STAT4: variants seen among roughly 807,000 people sequenced by gnomAD.
STAT4 encodes signal transducer and activator of transcription 4.
In STAT4, 42 loss-of-function variants were observed where a neutral mutation model predicts 110.5. The observed-to-expected ratio is 0.38, with a 90% CI of 0.30 to 0.49. The LOEUF is 0.49. Among genes scored for constraint, STAT4 ranks in the 20% least tolerant of loss-of-function variants. The pLI is 0.95. For missense variants in STAT4, 632 were observed against 887.9 expected, an observed-to-expected ratio of 0.71 and a Z score of 3.66; for synonymous variants, 284 against 302.2, an observed-to-expected ratio of 0.94 and a Z score of 0.63.
At chr2:191,056,817 C>T (rs1287574165) in intron 13 of STAT4, among the ~76,000 whole-genome samples, 3 of 125,618 alleles carry the variant, frequency 2.4e-5, no homozygotes, top group Non-Finnish European at 4.7e-5. Flanking sequence ...GAGTCTTGCT[C>T]TGTCACACAG....
At chr2:191,094,738 C>T (rs1697912965) in intron 3 of STAT4, among the ~76,000 whole-genome samples, 1 of 152,032 alleles carries the variant, frequency 6.6e-6, no homozygotes, top group Admixed American at 6.5e-5. Flanking sequence ...TCACACATAA[C>T]AACATTAACC....
chr2:191,071,984 C>T (rs996122016), intron 5 of STAT4, among the ~76,000 whole-genome samples: 1 of 152,118 alleles, frequency 6.6e-6, no homozygotes, highest in Non-Finnish European at 1.5e-5. Context: ...GGCCTCTCTC[C>T]CCACAACCCC....
chr2:191,056,701 C>T (rs1482929702), intron 13 of STAT4, among the ~76,000 whole-genome samples: 1 of 150,990 alleles, frequency 6.6e-6, no homozygotes, highest in Non-Finnish European at 1.5e-5. Flanking sequence ...CCTATCTTTT[C>T]TTTGTGGTAG....
At chr2:191,054,642 G>A in intron 13 of STAT4, 108 bp from the exon 14 acceptor site, 1 of 888,412 alleles carries the variant, frequency 1.1e-6, no homozygotes. Flanking sequence ...TTGACTTCTA[G>A]AACAGCAACA....
Position 191,051,744 on chromosome 2 carries a change from G to C in STAT4, c.1251+2746C>G, listed in dbSNP as rs1696529509. On this transcript the variant is annotated intron_variant, in intron 14 of 23. Coordinates refer to ENST00000392320, the MANE Select transcript of STAT4 (RefSeq NM_003151.4). This position sits in a 1 kb window ranked among gnomAD's most constrained non-coding sequence, Gnocchi z 5.6. ...TCGCCTCTCCCAGGGAAGGTTCTGCGACCCAGAGGCAGCATAGCAGAGGGG... is the reference window on the plus strand; with the variant it reads ...TCGCCTCTCCCAGGGAAGGTTCTGCCACCCAGAGGCAGCATAGCAGAGGGG... Among the ~76,000 whole-genome samples the C allele has an allele frequency of 6.6e-6, 1 of 152,188 alleles. No individual in the cohort carries two copies. The highest frequency in any genetic ancestry group is 2.1e-4 in the South Asian group (1 of 4,828).
At chr2:191,084,354 C>G (rs1697576207) in intron 3 of STAT4, among the ~76,000 whole-genome samples, 1 of 151,994 alleles carries the variant, frequency 6.6e-6, no homozygotes, top group South Asian at 2.1e-4. Flanking sequence ...TATGATGAAG[C>G]CTAGTTCTAG....
At chr2:191,123,704 C>A (rs1698799659) in intron 3 of STAT4, among the ~76,000 whole-genome samples, 1 of 152,222 alleles carries the variant, frequency 6.6e-6, no homozygotes, top group Non-Finnish European at 1.5e-5. Flanking sequence ...TGTTGAATAT[C>A]TCACATAATG....
intron 3 of STAT4, among the ~76,000 whole-genome samples, chr2:191,093,830 C>T (rs917525273): frequency 1.1e-4 from 16 of 152,064 alleles, no homozygotes; most frequent in South Asian, 1.0e-3. Flanking sequence ...CGTGAGGAAG[C>T]TAAAAACCTT....
At chr2:191,123,021 T>C (rs1698781303) in intron 3 of STAT4, among the ~76,000 whole-genome samples, 1 of 152,248 alleles carries the variant, frequency 6.6e-6, no homozygotes, top group African/African-American at 2.4e-5. Context: ...ACAAAAGTGA[T>C]GCACTTTGCT....
chr2:191,041,035 G>T, intron 15 of STAT4, 30 bp downstream of exon 15: 1 of 1,356,042 alleles, frequency 7.4e-7, no homozygotes, highest in Non-Finnish European at 9.6e-7. Context: ...AATGCCATTA[G>T]TAAATAGTGT....
At chr2:191,127,911 G>T (rs543028922) in intron 3 of STAT4, among the ~76,000 whole-genome samples, 30 of 152,294 alleles carry the variant, frequency 2.0e-4, no homozygotes, top group Admixed American at 3.3e-4. Flanking sequence ...GGCTTGGAGG[G>T]ATATGCACAA....
In STAT4 at chr2:191,086,511, A is replaced by G. The variant is rs1188677977; in HGVS notation, c.274-10186T>C. Reference sequence around the variant, plus strand: ...TTTTATACAAATAATCAGACCAAGTATAATTAAACTAAAACTTACTGTGCA... The same window carrying G: ...TTTTATACAAATAATCAGACCAAGTGTAATTAAACTAAAACTTACTGTGCA... On this transcript the variant is annotated intron_variant, in intron 3 of 23. Transcript: ENST00000392320. This position sits in a 1 kb window ranked among gnomAD's most constrained non-coding sequence, Gnocchi z 5.5. Among the ~76,000 whole-genome samples the G allele has an allele frequency of 6.6e-6, 1 of 152,234 alleles. No individual in the cohort carries two copies. Among genetic ancestry groups the G allele is most frequent in the African/African-American group, 2.4e-5 (1 of 41,462 alleles).
At position 191,113,270 on chromosome 2, in the gene STAT4, G is replaced by A. The variant is rs141831886; in HGVS notation, c.273+33343C>T. Among the ~76,000 whole-genome samples the A allele has an allele frequency of 5.3e-3, 802 of 152,342 alleles. 6 individuals carry two copies. Among genetic ancestry groups the A allele is most frequent in the Admixed American group, 8.8e-3 (135 of 15,302 alleles). On this transcript the variant is annotated intron_variant, in intron 3 of 23. Transcript: ENST00000392320. This position sits in a 1 kb window ranked among gnomAD's most constrained non-coding sequence, Gnocchi z 4.8. ...ATTGCCAGGCACTGATCTCACTGCT[G>A]TGAGTAATCACACCGAACAAGCATT... is the stretch of plus-strand genomic sequence containing the variant.
chr2:191,090,780 G>A lies in STAT4; in HGVS notation c.274-14455C>T, dbSNP rs1180653435. On this transcript the variant is annotated intron_variant, in intron 3 of 23. Transcript: ENST00000392320. This position sits in a 1 kb window ranked among gnomAD's most constrained non-coding sequence, Gnocchi z 4.2. ...TTTCACCGTGTTAGCCTGACACCGT[G>A]TTAGCCTGTTCACCAAGACAGGGGA... 6.6e-6 allele frequency among the ~76,000 whole-genome samples: 1 copy of A among 152,014 alleles called. No individual in the cohort carries two copies. Among genetic ancestry groups the A allele is most frequent in the Non-Finnish European group, 1.5e-5 (1 of 67,998 alleles).
In STAT4 at chr2:191,058,504, G is replaced by A. The variant is rs1250495566; in HGVS notation, c.1094+206C>T. 1.3e-5 allele frequency among the ~76,000 whole-genome samples: 2 copies of A among 151,990 alleles called. No individual in the cohort carries two copies. The highest frequency in any genetic ancestry group is 4.8e-5 in the African/African-American group (2 of 41,374). ...GGATAGTATATAAAATTGATTTCAA[G>A]TTTTTATAGTAAAATTTTAAATTTA... On this transcript the variant is annotated intron_variant, in intron 11 of 23. Transcript: ENST00000392320. This position sits in a 1 kb window ranked among gnomAD's most constrained non-coding sequence, Gnocchi z 4.3.
chr2:191,107,226 C>T lies in STAT4; in HGVS notation c.274-30901G>A, dbSNP rs1424242099. Among the ~76,000 whole-genome samples the T allele has an allele frequency of 1.3e-5, 2 of 152,186 alleles. No individual in the cohort carries two copies. Among genetic ancestry groups the T allele is most frequent in the Admixed American group, 1.3e-4 (2 of 15,282 alleles). On this transcript the variant is annotated intron_variant, in intron 3 of 23. Transcript: ENST00000392320. The surrounding 1 kb of genome is among the most constrained non-coding windows in gnomAD (Gnocchi z 4.2). Reference sequence around the variant, plus strand: ...GGTATGATAGTAGTCATTTTATCCCCAGGGTCAAACCTAGCATGCTGACCT... The same window carrying T: ...GGTATGATAGTAGTCATTTTATCCCTAGGGTCAAACCTAGCATGCTGACCT...
At chr2:191,080,781 G>A (rs138974795) in intron 3 of STAT4, among the ~76,000 whole-genome samples, 2 of 152,042 alleles carry the variant, frequency 1.3e-5, no homozygotes, top group Non-Finnish European at 2.9e-5. Context: ...CTAATCAGTC[G>A]TCTGTCACCA....
In STAT4 at chr2:191,138,818, C is replaced by A. The variant is rs1699246480; in HGVS notation, c.273+7795G>T. Among the ~76,000 whole-genome samples the A allele has an allele frequency of 6.6e-6, 1 of 152,150 alleles. No individual in the cohort carries two copies. The highest frequency in any genetic ancestry group is 2.4e-5 in the African/African-American group (1 of 41,516). On this transcript the variant is annotated intron_variant, in intron 3 of 23. Transcript: ENST00000392320. This position sits in a 1 kb window ranked among gnomAD's most constrained non-coding sequence, Gnocchi z 4.3. ...GGGCATAACAAGAAAACTACCGGAC[C>A]AATAGCTCTGATGAACATAGATGCA...
chr2:191,066,643 A>G lies in STAT4; in HGVS notation c.545-128T>C. ...TGGTAAGAGACTAATTGGGTTCACTAGAGGTGAGCTTGGAAGTCTGTCTGC... is the reference window on the plus strand; with the variant it reads ...TGGTAAGAGACTAATTGGGTTCACTGGAGGTGAGCTTGGAAGTCTGTCTGC... On this transcript the variant is annotated intron_variant, in intron 6 of 23. Transcript: ENST00000392320. This position sits in a 1 kb window ranked among gnomAD's most constrained non-coding sequence, Gnocchi z 4.3. 1.4e-6 allele frequency: 1 copy of G among 715,994 alleles called. No homozygotes were observed. Among genetic ancestry groups the G allele is most frequent in the Non-Finnish European group, 2.3e-6 (1 of 435,920 alleles). 44.4% of individuals were successfully genotyped at this position (715,994 alleles called of 1,614,324 possible).
Sources: allele counts gnomAD v4.1 joint callset (sites outside exome capture counted in the v4.1 genomes callset), GRCh38; gene constraint gnomAD v4.1.1; non-coding constraint Gnocchi (gnomAD v3.1); transcripts MANE v1.5; gene names NCBI Gene and HGNC (gene_info 2026-07-23, HGNC 2026-07-21).